Variants in UHRF2 observed in about 807,000 individuals in gnomAD.
The protein encoded by UHRF2 is ubiquitin like with PHD and ring finger domains 2, also known as E3 ubiquitin-protein ligase UHRF2.
A neutral mutation model predicts 96.8 loss-of-function variants in UHRF2; 23 were observed. That is an observed-to-expected ratio of 0.24 (90% CI 0.17 to 0.34). UHRF2 has a LOEUF of 0.34. Ranked by LOEUF, UHRF2 falls within the 10% of genes least tolerant of loss-of-function variation. The pLI is 1.00. For synonymous variants in UHRF2, 385 were observed against 332.6 expected (o/e 1.16, Z -1.72); for missense variants, 685 against 981.5 (o/e 0.70, Z 4.04).
chr9:6,424,964 TA>T (rs1336975187), intron 2 of UHRF2, among the ~76,000 whole-genome samples: 2 of 152,146 alleles, frequency 1.3e-5, no homozygotes, highest in African/African-American at 4.8e-5. Context: ...ATTTGCTAAG[TA>T]TAACTTAGGT....
chr9:6,450,570 A>G (rs1821798434), intron 3 of UHRF2, among the ~76,000 whole-genome samples: 1 of 152,214 alleles, frequency 6.6e-6, no homozygotes, highest in Non-Finnish European at 1.5e-5. Context: ...AGGTGTTGTC[A>G]GCCTGATACA....
At chr9:6,415,671 T>G (rs1819557382) in intron 1 of UHRF2, 1 of 152,230 alleles carries the variant, frequency 6.6e-6, no homozygotes, top group South Asian at 2.1e-4. Flanking sequence ...TTATTTTTAT[T>G]TAAGTGGTAC....
At chr9:6,496,874 T>C (rs1825006566) in intron 10 of UHRF2, 1 of 192,156 alleles carries the variant, frequency 5.2e-6, no homozygotes, top group Non-Finnish European at 1.1e-5. Context: ...CGTTCTCCCT[T>C]CCCCCAACAA....
intron 14 of UHRF2, among the ~76,000 whole-genome samples, chr9:6,502,313 G>C (rs1029383356): frequency 4.6e-5 from 7 of 151,776 alleles, no homozygotes; most frequent in Non-Finnish European, 8.8e-5. Context: ...GATACCCCTG[G>C]GCCTTTACAT....
Position 6,424,045 on chromosome 9 carries a change from C to T in UHRF2, c.384+2903C>T, listed in dbSNP as rs554939032. On this transcript the variant is annotated intron_variant, in intron 2 of 15. Transcript: ENST00000276893. Reference sequence around the variant, plus strand: ...TCTATACCGGTATTCCCTTTAAAGACGAGCTAGACAAGGAAGCCAATTCAT... The same window carrying T: ...TCTATACCGGTATTCCCTTTAAAGATGAGCTAGACAAGGAAGCCAATTCAT... Among the ~76,000 whole-genome samples, 30 of 152,150 alleles carry T rather than the reference C, an allele frequency of 2.0e-4. No homozygotes were observed. In the East Asian group the frequency reaches 4.6e-3, roughly 23 times the overall value.
chr9:6,470,406 G>C (rs1823173152), intron 4 of UHRF2, among the ~76,000 whole-genome samples: 1 of 148,748 alleles, frequency 6.7e-6, no homozygotes, highest in African/African-American at 2.5e-5. Flanking sequence ...TTTTCATGAA[G>C]ATACCTGTCA....
chr9:6,460,786 C>T lies in UHRF2; in HGVS notation c.858C>T (p.Phe286=), dbSNP rs142780701. ...RTKKELRVKI[F]LGGSEGTLND... is the part of the protein sequence containing the mutation. ...AAAAAGAACTTCGTGTGAAAATTTT[C>T]CTGGGGTAAGATTGTCTTCACTGGT... Residue 286 remains phenylalanine (F), a synonymous_variant, in exon 4 of 16, where the codon TTC becomes TTT. Coordinates refer to ENST00000276893, the MANE Select transcript of UHRF2 (RefSeq NM_152896.3). 9.9e-6 allele frequency: 16 copies of T among 1,611,760 alleles called. No individual in the cohort carries two copies. The highest frequency in any genetic ancestry group is 1.3e-5 in the African/African-American group (1 of 74,728).
intron 2 of UHRF2, among the ~76,000 whole-genome samples, chr9:6,426,769 A>T (rs1352480892): frequency 6.6e-6 from 1 of 151,968 alleles, no homozygotes; most frequent in African/African-American, 2.4e-5. Context: ...TTTATTTTTG[A>T]GATGGAATCT....
chr9:6,416,309 G>A (rs1819596711), intron 1 of UHRF2, among the ~76,000 whole-genome samples: 1 of 152,048 alleles, frequency 6.6e-6, no homozygotes, highest in Admixed American at 6.5e-5. Context: ...CTCAGGTGAT[G>A]CGCCCACCTC....
intron 8 of UHRF2, chr9:6,484,577 G>GTT (rs112488803): frequency 1.6e-4 from 21 of 132,522 alleles, no homozygotes; most frequent in East Asian, 8.7e-4. Context: ...TGATTTTTGT[G>GTT]TTTTTTTTTT....
At chr9:6,414,404 C>T (rs539955473) in intron 1 of UHRF2, among the ~76,000 whole-genome samples, 2 of 152,318 alleles carry the variant, frequency 1.3e-5, no homozygotes, top group East Asian at 1.9e-4. Flanking sequence ...CCTTCTAATA[C>T]TCATGTCGTT....
chr9:6,413,871 T>A, intron 1 of UHRF2: 2 of 444,894 alleles, frequency 4.5e-6, no homozygotes, highest in Non-Finnish European at 7.5e-6. Context: ...GGGTCAGAAG[T>A]GAGGGCGTCC....
chr9:6,429,702 G>C (rs1401279272), intron 2 of UHRF2, among the ~76,000 whole-genome samples: 3 of 152,310 alleles, frequency 2.0e-5, no homozygotes, highest in South Asian at 4.1e-4. Flanking sequence ...TTTCATTTGT[G>C]TGTACTATAT....
chr9:6,468,651 C>T (rs549843171), intron 4 of UHRF2: 17 of 455,874 alleles, frequency 3.7e-5, no homozygotes, highest in African/African-American at 2.8e-4. Flanking sequence ...CCTGCTTTCA[C>T]CTTTGGGCTT....
intron 14 of UHRF2, chr9:6,504,338 C>T (rs1587891778): frequency 3.7e-6 from 1 of 270,290 alleles, no homozygotes; most frequent in East Asian, 8.6e-5. Context: ...AAATAGAAGA[C>T]ATTAAATGTG....
At chr9:6,447,482 G>T (rs759209023) in intron 3 of UHRF2, among the ~76,000 whole-genome samples, 13 of 152,154 alleles carry the variant, frequency 8.5e-5, no homozygotes, top group Non-Finnish European at 1.6e-4. Flanking sequence ...AGTTCCTGAA[G>T]GAGAACAGCA....
In UHRF2 at chr9:6,428,739, G is replaced by T. The variant is rs1587774794; in HGVS notation, c.385-5175G>T. Among the ~76,000 whole-genome samples, 5 of 151,890 alleles carry T rather than the reference G, an allele frequency of 3.3e-5. No homozygotes were observed. In the South Asian group the frequency reaches 1.0e-3, roughly 32 times the overall value. On this transcript the variant is annotated intron_variant, in intron 2 of 15. Coordinates refer to ENST00000276893, the MANE Select transcript of UHRF2 (RefSeq NM_152896.3). Reference sequence around the variant, plus strand: ...TAATTTTCAATTTTTCGTAGAGACAGAGTTTCACTATGTTGTCCAGGCTGG... The same window carrying T: ...TAATTTTCAATTTTTCGTAGAGACATAGTTTCACTATGTTGTCCAGGCTGG...
At chr9:6,448,844 C>G (rs1821678358) in intron 3 of UHRF2, among the ~76,000 whole-genome samples, 1 of 152,200 alleles carries the variant, frequency 6.6e-6, no homozygotes, top group Non-Finnish European at 1.5e-5. Flanking sequence ...AGTTTGTACA[C>G]ATAAGGAAAA....
intron 2 of UHRF2, among the ~76,000 whole-genome samples, chr9:6,433,128 C>T (rs933336577): frequency 6.6e-6 from 1 of 152,218 alleles, no homozygotes. Flanking sequence ...GCCACCATGC[C>T]TGGCCTGATC....
Sources: gnomAD v4.1 joint callset for allele counts (sites outside exome capture counted in the v4.1 genomes callset) on GRCh38, gnomAD v4.1.1 for gene constraint, MANE v1.5 for transcripts, NCBI Gene and HGNC (gene_info 2026-07-23, HGNC 2026-07-21) for gene names.